The following PLXND1 variants were observed in gnomAD, a reference collection of about 807,000 sequenced individuals.
PLXND1 encodes plexin-D1.
Under a neutral mutation model 197.7 loss-of-function variants are expected in PLXND1, and 54 were observed. That is an observed-to-expected ratio of 0.27 (90% CI 0.22 to 0.34). The LOEUF (loss-of-function observed/expected upper bound fraction) is 0.34. PLXND1 is among the 10% of genes least tolerant of loss of function. PLXND1 has a pLI of 1.00. For synonymous variants in PLXND1, 1,180 were observed against 1,161.2 expected (o/e 1.02, Z -0.33); for missense variants, 2,127 against 2,699.2 (o/e 0.79, Z 4.70).
chr3:129,560,838 C>G, intron 29 of PLXND1, 115 bp from the exon 30 acceptor site: 1 of 741,192 alleles, frequency 1.3e-6, no homozygotes, highest in Non-Finnish European at 2.5e-6. Flanking sequence ...GGGAGAGAAA[C>G]AGAAGCAGAG....
In PLXND1 at chr3:129,589,464, G is replaced by C. The variant is rs573002407; in HGVS notation, c.1375C>G (p.Pro459Ala). ...HLQHPLSILQ[P>A]LKATPVFRAP... is the part of the protein sequence containing the mutation. ...CGGAACACGGGCGTGGCCTTCAGGG[G>C]CTGCAGGATGGACAGCGGGTGCTGC... Residue 459 changes from proline to alanine, a missense_variant, in exon 2 of 36, where the codon CCC (proline) becomes GCC (alanine). This residue lies in a region of PLXND1 where 1,095 missense variants were observed against 1,259.8 expected (regional missense o/e 0.87). Transcript: ENST00000324093. 6 of 1,610,710 alleles carry C rather than the reference G, an allele frequency of 3.7e-6. No individual in the cohort carries two copies. In the East Asian group the frequency reaches 1.3e-4, roughly 36 times the overall value.
At chr3:129,596,321 G>T (rs1020359859) in intron 1 of PLXND1, among the ~76,000 whole-genome samples, 5 of 152,146 alleles carry the variant, frequency 3.3e-5, no homozygotes, top group African/African-American at 1.2e-4. Context: ...GCCTCGGCCT[G>T]CTCTGCCCTG....
rs1174965883 is a variant in PLXND1, at chr3:129,574,464, T to G, written c.2557A>C (p.Ser853Arg). The G allele has an allele frequency of 1.9e-6, 3 of 1,612,992 alleles. No individual in the cohort carries two copies. In the African/African-American group the frequency reaches 4.0e-5, roughly 22 times the overall value. Residue 853 changes from serine to arginine, a missense_variant, in exon 12 of 36, where the codon AGC becomes CGC. Ser to Arg is a moderately radical substitution (Grantham distance 110). Coordinates refer to ENST00000324093, the MANE Select transcript of PLXND1 (RefSeq NM_015103.3). ...TVMVYNCAMG[S>R]PDCSQCLGRE... ...CCCAGGCACTGGGAACAGTCGGGGC[T>G]GCCCATGGCACAGTTATAGACCATG...
chr3:129,573,521 G>A lies in PLXND1; in HGVS notation c.2837+73C>T, dbSNP rs536436506. 25 of 1,393,278 alleles carry A rather than the reference G, an allele frequency of 1.8e-5. No individual in the cohort carries two copies. The South Asian group carries it at 2.4e-4, about 13-fold the overall frequency. 86.3% of individuals were successfully genotyped at this position (1,393,278 alleles called of 1,614,324 possible). ...GCAGAGTGAGGACAGAGGATGGGGA[G>A]GGAGGAGTGAGGAGGACAGAGCAGA... On this transcript the variant is annotated intron_variant, in intron 13 of 35. Transcript: ENST00000324093.
chr3:129,585,872 C>T, intron 5 of PLXND1, 80 bp downstream of exon 5: 1 of 1,584,214 alleles, frequency 6.3e-7, no homozygotes, highest in Non-Finnish European at 8.6e-7. Context: ...GTGGGAGTCT[C>T]CACCTCTCGG....
intron 11 of PLXND1, among the ~76,000 whole-genome samples, chr3:129,574,873 C>T (rs576408490): frequency 2.6e-5 from 4 of 152,302 alleles, no homozygotes; most frequent in East Asian, 1.9e-4. Flanking sequence ...TCTGATCAAC[C>T]CCGGCGGGGC....
At chr3:129,566,972 T>C (rs2085150101) in intron 22 of PLXND1, among the ~76,000 whole-genome samples, 1 of 152,132 alleles carries the variant, frequency 6.6e-6, no homozygotes, top group African/African-American at 2.4e-5. Context: ...AACATGGGCT[T>C]GCTTTGGCCA....
intron 22 of PLXND1, among the ~76,000 whole-genome samples, chr3:129,567,205 GC>G (rs112743346): frequency 0.11 from 16,370 of 152,124 alleles, 1,698 homozygotes; most frequent in African/African-American, 0.27. Context: ...GGCCGCTTCT[GC>G]CCCACCTTGA....
chr3:129,570,713 G>A (rs2085210846), intron 19 of PLXND1, 73 bp downstream of exon 19: 10 of 1,443,256 alleles, frequency 6.9e-6, no homozygotes, highest in South Asian at 2.3e-5. Flanking sequence ...GGTGCTGGGT[G>A]AGGGGCAGAT....
In PLXND1 at chr3:129,577,313, A is replaced by G. The variant is rs564045548; in HGVS notation, c.2346+1016T>C. 3.1e-3 allele frequency among the ~76,000 whole-genome samples: 476 copies of G among 152,144 alleles called. 2 individuals carry two copies. The highest frequency in any genetic ancestry group is 0.011 in the African/African-American group (448 of 41,498). ...GCTCGGTCAGAGTGGAGGCTGCCCC[A>G]CCACACAGCTGGGAAGAATCGGCAG... On this transcript the variant is annotated intron_variant, in intron 9 of 35. Transcript: ENST00000324093. The surrounding 1 kb of genome is among the most constrained non-coding windows in gnomAD (Gnocchi z 5.0).
At chr3:129,568,091 TA>T (rs1179794776) in intron 20 of PLXND1, among the ~76,000 whole-genome samples, 120 of 145,562 alleles carry the variant, frequency 8.2e-4, no homozygotes, top group Admixed American at 8.9e-4. Context: ...CTAGCCCCGT[TA>T]AAAAAAAAAA....
chr3:129,570,739 CA>C (rs1396124830), intron 19 of PLXND1, 46 bp downstream of exon 19: 4 of 1,596,816 alleles, frequency 2.5e-6, no homozygotes, highest in Admixed American at 3.3e-5. Flanking sequence ...GCAGATGGGC[CA>C]GGGGTGGGGC....
intron 20 of PLXND1, chr3:129,569,133 C>A (rs967420803): frequency 1.3e-5 from 2 of 152,322 alleles, no homozygotes; most frequent in African/African-American, 4.8e-5. Context: ...CAGTACTCCA[C>A]TCCTTCTTAC....
intron 30 of PLXND1, 121 bp downstream of exon 30, chr3:129,560,568 C>T (rs2085042357): frequency 3.1e-6 from 3 of 960,902 alleles, no homozygotes; most frequent in South Asian, 2.8e-5. Flanking sequence ...ATCCCTACTC[C>T]CCCACCCCCC....
At chr3:129,589,593 T>TGTGCG in intron 1 of PLXND1, 66 bp from the exon 2 acceptor site, 6 of 1,350,028 alleles carry the variant, frequency 4.4e-6, no homozygotes, top group Non-Finnish European at 6.0e-6. Context: ...CCCGCACAGC[T>TGTGCG]GGCTGGGATC....
Position 129,605,798 on chromosome 3 carries a change from C to A in PLXND1, c.842G>T (p.Ser281Ile). 6.3e-7 allele frequency: 1 copy of A among 1,599,552 alleles called. No individual in the cohort carries two copies. Among genetic ancestry groups the A allele is most frequent in the South Asian group, 1.1e-5 (1 of 89,308 alleles). ...CGGGTCGGACGGGTGCAGGAAGGCG[C>A]TCACGAAGCCCAGCTTGTGCTGCTC... ...AKEQHKLGFV[S>I]AFLHPSDPPP... Residue 281 changes from serine (S) to isoleucine (I), a missense_variant, in exon 1 of 36, where the codon AGC becomes ATC. This residue lies in a region of PLXND1 where 1,095 missense variants were observed against 1,259.8 expected (regional missense o/e 0.87). Transcript: ENST00000324093.
chr3:129,578,881 A>G (rs915207708), intron 8 of PLXND1, among the ~76,000 whole-genome samples: 1 of 152,202 alleles, frequency 6.6e-6, no homozygotes, highest in Non-Finnish European at 1.5e-5. Flanking sequence ...GCGATTCAGA[A>G]AAGAGAAACC....
At chr3:129,561,990 C>T in intron 27 of PLXND1, 87 bp from the exon 28 acceptor site, 1 of 820,956 alleles carries the variant, frequency 1.2e-6, no homozygotes, top group Non-Finnish European at 2.1e-6. Context: ...AGGGAGAGGC[C>T]TCTCGCTCTC....
intron 17 of PLXND1, 42 bp from the exon 18 acceptor site, chr3:129,571,345 G>A (rs1483743114): frequency 1.3e-6 from 2 of 1,591,624 alleles, no homozygotes; most frequent in South Asian, 2.2e-5. Context: ...GATGCAGGAT[G>A]GACAGATGGG....
Sources: allele counts gnomAD v4.1 joint callset (sites outside exome capture counted in the v4.1 genomes callset), GRCh38; gene constraint gnomAD v4.1.1; regional missense constraint gnomAD v4.1.1; non-coding constraint Gnocchi (gnomAD v3.1); transcripts MANE v1.5; gene names NCBI Gene and HGNC (gene_info 2026-07-23, HGNC 2026-07-21).